Variants in TDRD6 observed in about 807,000 individuals in gnomAD.
The protein encoded by TDRD6 is tudor domain containing 6.
Under a neutral mutation model 157.5 loss-of-function variants are expected in TDRD6, and 186 were observed. The observed-to-expected ratio is 1.18, with a 90% CI of 1.05 to 1.33. The LOEUF (loss-of-function observed/expected upper bound fraction) is 1.33, where lower values mean the gene tolerates loss of function less well. TDRD6 is among the 40% of genes most tolerant of loss of function. The pLI, the probability that TDRD6 is intolerant of heterozygous loss-of-function variation, is 0.00. For missense variants in TDRD6, 3,066 were observed against 2,508.0 expected (o/e 1.22, Z -4.75); for synonymous variants, 1,075 against 945.2 (o/e 1.14, Z -2.52).
At chr6:46,684,215 T>C (rs1422344777), upstream of TDRD6, among the ~76,000 whole-genome samples, 1 of 152,196 alleles carries the variant, frequency 6.6e-6, no homozygotes, top group Admixed American at 6.5e-5. Flanking sequence ...TTAAAAGCTT[T>C]TTATTTTGAA....
At chr6:46,694,571 AAG>A in intron 1 of TDRD6, among the ~76,000 whole-genome samples, 1 of 152,288 alleles carries the variant, frequency 6.6e-6, no homozygotes, top group Non-Finnish European at 1.5e-5. Flanking sequence ...AATTTTTTGT[AAG>A]AGATTAAAAA....
At chr6:46,694,974 T>A (rs974089676) in intron 1 of TDRD6, among the ~76,000 whole-genome samples, 1 of 152,204 alleles carries the variant, frequency 6.6e-6, no homozygotes, top group African/African-American at 2.4e-5. Context: ...AATCAAAAAC[T>A]GTTTCATGTG....
Position 46,692,990 on chromosome 6 carries a change from C to T in TDRD6, c.4862C>T (p.Pro1621Leu), listed in dbSNP as rs751165400. ...CVDPKALWAI[P>L]SELLSVPMQA... ...GACCCAAAAGCACTCTGGGCCATTC[C>T]TTCTGAACTTCTGTCGGTTCCCATG... The change falls in exon 1 of 4, where the codon CCT becomes CTT. Residue 1621 changes from proline to leucine, a missense_variant. Transcript: ENST00000316081. 1 of 1,612,306 alleles carries T rather than the reference C, an allele frequency of 6.2e-7. No homozygotes were observed. Among genetic ancestry groups the T allele is most frequent in the Non-Finnish European group, 8.5e-7 (1 of 1,179,040 alleles).
chr6:46,685,894 A>G (rs1226487537), upstream of TDRD6, among the ~76,000 whole-genome samples: 3 of 152,200 alleles, frequency 2.0e-5, no homozygotes, highest in African/African-American at 7.2e-5. Flanking sequence ...GAGATATATG[A>G]GGGGAGCTTA....
At chr6:46,683,496 A>G (rs929953680), upstream of TDRD6, among the ~76,000 whole-genome samples, 2 of 152,090 alleles carry the variant, frequency 1.3e-5, no homozygotes, top group African/African-American at 2.4e-5. Flanking sequence ...ATTTGATTTC[A>G]TCAAAATTAC....
chr6:46,690,385 C>T lies in TDRD6; in HGVS notation c.2257C>T (p.Gln753Ter). ...AGCATCTGTTTATTTTCCTCTTATG[C>T]AGAATTGCTTGGAAATTAAGCCAGG... ...KRASVYFPLMQNCLEIKPGSS... is the reference protein window; with the variant it reads ...KRASVYFPLM Residue 753 changes from glutamine to a stop codon, truncating the protein, a stop_gained, in exon 1 of 4, where the codon CAG becomes TAG. Coordinates refer to ENST00000316081, the MANE Select transcript of TDRD6 (RefSeq NM_001010870.3). LOFTEE classifies it high-confidence loss of function. 4 of 1,613,818 alleles carry T rather than the reference C, an allele frequency of 2.5e-6. No homozygotes were observed. Among genetic ancestry groups the T allele is most frequent in the Non-Finnish European group, 3.4e-6 (4 of 1,180,018 alleles).
intron 1 of TDRD6, among the ~76,000 whole-genome samples, chr6:46,695,256 A>G (rs1267005889): frequency 6.6e-6 from 1 of 152,138 alleles, no homozygotes; most frequent in African/African-American, 2.4e-5. Context: ...TATGTCTACT[A>G]TATAGTTTTA....
chr6:46,691,906 G>T lies in TDRD6; in HGVS notation c.3778G>T (p.Glu1260Ter). ...VFPLTTEKKE[E>*]ISAETPLKTA... ...TCCATTAACAACAGAAAAGAAAGAA[G>T]AAATTTCTGCTGAGACACCCTTGAA... Residue 1260 changes from glutamate to a stop codon, truncating the protein, a stop_gained, in exon 1 of 4, where the codon GAA becomes TAA. Transcript: ENST00000316081. LOFTEE classifies it high-confidence loss of function. The T allele has an allele frequency of 6.3e-7, 1 of 1,594,638 alleles. No homozygotes were observed. The highest frequency in any genetic ancestry group is 1.1e-5 in the South Asian group (1 of 87,212).
At position 46,690,536 on chromosome 6, in the gene TDRD6, C is replaced by G. The variant is rs1471215396; in HGVS notation, c.2408C>G (p.Ser803Cys). The change falls in exon 1 of 4, where the codon TCT becomes TGT. Residue 803 changes from serine (S) to cysteine (C), a missense_variant. Transcript: ENST00000316081. ...RNIQGLKTLMSDIQYYCKNTA... is the reference protein window; with the variant it reads ...RNIQGLKTLMCDIQYYCKNTA... Reference sequence around the variant, plus strand: ...ATACAAGGACTTAAAACTCTAATGTCTGATATTCAGTACTATTGCAAAAAT... The same window carrying G: ...ATACAAGGACTTAAAACTCTAATGTGTGATATTCAGTACTATTGCAAAAAT... 2.5e-6 allele frequency: 4 copies of G among 1,614,180 alleles called. No individual in the cohort carries two copies. The highest frequency in any genetic ancestry group is 1.1e-5 in the South Asian group (1 of 91,074).
In TDRD6 at chr6:46,692,830, C is replaced by T; in HGVS notation, c.4702C>T (p.Pro1568Ser). 1 of 1,613,896 alleles carries T rather than the reference C, an allele frequency of 6.2e-7. No homozygotes were observed. Among genetic ancestry groups the T allele is most frequent in the Non-Finnish European group, 8.5e-7 (1 of 1,179,930 alleles). ...VADRRNCIPC[P>S]YIGDPCIVRY... ...AGACAGGAGAAATTGTATCCCATGT[C>T]CTTATATTGGAGATCCTTGTATAGT... The change falls in exon 1 of 4, where the codon CCT (proline) becomes TCT (serine). Residue 1568 changes from proline (P) to serine (S), a missense_variant. Transcript: ENST00000316081.
Position 46,688,975 on chromosome 6 carries a change from A to T in TDRD6, c.847A>T (p.Met283Leu). Residue 283 changes from methionine to leucine, a missense_variant, in exon 1 of 4, where the codon ATG (methionine) becomes TTG (leucine). By Grantham distance (15) the Met-to-Leu change is conservative. Transcript: ENST00000316081. The stretch of plus-strand genomic sequence containing the variant: ...GGAGATCCACCGCCTCTCCGAGAGC[A>T]TGGCCCAGGTATACCGGGGTTCCAC... The part of the protein sequence containing the change: ...SQEIHRLSES[M>L]AQVYRGSTGT... 1 of 1,613,608 alleles carries T rather than the reference A, an allele frequency of 6.2e-7. No homozygotes were observed. Among genetic ancestry groups the T allele is most frequent in the Non-Finnish European group, 8.5e-7 (1 of 1,179,722 alleles).
intron 3 of TDRD6, chr6:46,701,099 C>A: frequency 5.1e-6 from 2 of 388,692 alleles, no homozygotes; most frequent in Non-Finnish European, 1.0e-5. Context: ...CTTTTATCAC[C>A]CAGAATTACA....
At chr6:46,682,648 A>G in the TDRD6 span, among the ~76,000 whole-genome samples, 34 of 152,050 alleles carry the variant, frequency 2.2e-4, 1 homozygote, top group South Asian at 8.3e-4. Context: ...TTCACAAGAT[A>G]TAAGGCCAAT....
Position 46,691,984 on chromosome 6 carries a change from GAC to G in TDRD6, c.3858_3859del (p.Asp1286GlufsTer9). ...AGAGAGAAAAATAGGAGATTCATGT[GAC>G]AAAGATTTGCCTCTGAAATTTTGTG... ...LSERKIGDSC[D>X]KDLPLKFCEF... On this transcript the variant is annotated frameshift_variant, in exon 1 of 4. Transcript: ENST00000316081. LOFTEE classifies it high-confidence loss of function. 1.2e-6 allele frequency: 2 copies of G among 1,613,888 alleles called. No homozygotes were observed. The highest frequency in any genetic ancestry group is 1.7e-6 in the Non-Finnish European group (2 of 1,179,928).
upstream of TDRD6, among the ~76,000 whole-genome samples, chr6:46,686,476 TAAAA>T (rs35028991): frequency 3.9e-5 from 5 of 127,824 alleles, no homozygotes; most frequent in Non-Finnish European, 3.3e-5. Context: ...TAGAAGTATG[TAAAA>T]AAAAAAAAAA....
intron 3 of TDRD6, among the ~76,000 whole-genome samples, chr6:46,699,317 C>G (rs1764568422): frequency 6.6e-6 from 1 of 152,158 alleles, no homozygotes; most frequent in Admixed American, 6.6e-5. Context: ...AAAACAATCT[C>G]CTATTACTAT....
chr6:46,690,223 C>CTTTT lies in TDRD6; in HGVS notation c.2095_2096insTTTT (p.Pro699LeufsTer18), dbSNP rs1764267480. On this transcript the variant is annotated frameshift_variant, in exon 1 of 4. Transcript: ENST00000316081. LOFTEE classifies it high-confidence loss of function. ...CTTTACTACGGAGAGTAACAAAATA[C>CTTTT]CTTTTGCCAAGACTGGAGAAGGAGA... The CTTTT allele has an allele frequency of 6.2e-7, 1 of 1,613,698 alleles. No individual in the cohort carries two copies. Among genetic ancestry groups the CTTTT allele is most frequent in the Non-Finnish European group, 8.5e-7 (1 of 1,179,980 alleles).
In TDRD6 at chr6:46,691,226, C is replaced by A. The variant is rs766844333; in HGVS notation, c.3098C>A (p.Pro1033His). Reference sequence around the variant, plus strand: ...GTTTTGCTGAATTTAAAAACATCTCCCTTGAACCCTGGAACCTTGTGCCTT... The same window carrying A: ...GTTTTGCTGAATTTAAAAACATCTCACTTGAACCCTGGAACCTTGTGCCTT... Reference protein sequence around the residue: ...SKVLLNLKTSPLNPGTLCLAK... With the variant: ...SKVLLNLKTSHLNPGTLCLAK... Residue 1033 changes from proline (P) to histidine (H), a missense_variant, in exon 1 of 4, where the codon CCC becomes CAC. Physicochemically the swap from Pro to His is moderately conservative, Grantham distance 77 (BLOSUM62 -2). Transcript: ENST00000316081. 2 of 1,613,936 alleles carry A rather than the reference C, an allele frequency of 1.2e-6. No individual in the cohort carries two copies. The highest frequency in any genetic ancestry group is 8.5e-7 in the Non-Finnish European group (1 of 1,179,916).
intron 2 of TDRD6, among the ~76,000 whole-genome samples, chr6:46,696,502 AATATATATGTAT>A (rs1764500613): frequency 1.5e-5 from 2 of 132,648 alleles, no homozygotes; most frequent in Non-Finnish European, 3.1e-5. Context: ...ATGTATATGT[AATATATATGTAT>A]ATATATGTGT....
Sources: gnomAD v4.1 joint callset for allele counts (sites outside exome capture counted in the v4.1 genomes callset) on GRCh38, gnomAD v4.1.1 for gene constraint, MANE v1.5 for transcripts, NCBI Gene and HGNC (gene_info 2026-07-23, HGNC 2026-07-21) for gene names.